Variants in LPP observed in about 807,000 individuals in gnomAD.
LPP encodes the protein LIM domain containing preferred translocation partner in lipoma.
LPP carries 38 observed loss-of-function variants against 60.4 expected under a neutral mutation model. The ratio of observed to expected loss-of-function variants is 0.63; its 90% CI spans 0.49 to 0.83. The LOEUF (loss-of-function observed/expected upper bound fraction) is 0.83. Ranked by LOEUF, LPP falls within the 40% of genes least tolerant of loss-of-function variation. LPP has a pLI of 0.00. For missense variants in LPP, 902 were observed against 783.6 expected (o/e 1.15, Z -1.80); for synonymous variants, 328 against 290.8 (o/e 1.13, Z -1.30).
At chr3:188,302,409 C>T (rs997708399) in intron 2 of LPP, among the ~76,000 whole-genome samples, 1 of 152,168 alleles carries the variant, frequency 6.6e-6, no homozygotes, top group African/African-American at 2.4e-5. Context: ...AACTCAACCT[C>T]TGAAAAGGAT....
At position 188,467,457 on chromosome 3, in the gene LPP, C is replaced by A. The variant is rs917031806; in HGVS notation, c.194-17135C>A. Among the ~76,000 whole-genome samples the A allele has an allele frequency of 3.3e-5, 5 of 152,036 alleles. No homozygotes were observed. In the South Asian group the frequency reaches 1.0e-3, roughly 32 times the overall value. On this transcript the variant is annotated intron_variant, in intron 4 of 11. Transcript: ENST00000617246. The stretch of plus-strand genomic sequence containing the variant: ...CTAGCACTATGTGCAGACTTCCCTT[C>A]TTATGGTATGTTGTGGTGAGCAGAA...
At chr3:188,401,623 C>G (rs768940156) in intron 3 of LPP, among the ~76,000 whole-genome samples, 3 of 152,194 alleles carry the variant, frequency 2.0e-5, no homozygotes, top group Non-Finnish European at 4.4e-5. Context: ...TCATCTATAG[C>G]TCCAGTGCCA....
chr3:188,473,618 T>A (rs1227814877), intron 4 of LPP, among the ~76,000 whole-genome samples: 1 of 152,198 alleles, frequency 6.6e-6, no homozygotes, highest in African/African-American at 2.4e-5. Context: ...CACCACTGGT[T>A]AAAAGTCAGA....
intron 4 of LPP, among the ~76,000 whole-genome samples, chr3:188,425,907 A>G (rs913114829): frequency 6.6e-6 from 1 of 152,044 alleles, no homozygotes; most frequent in African/African-American, 2.4e-5. Context: ...CAGCTCCTGG[A>G]TTCATCGATT....
chr3:188,439,389 T>G (rs1469783289), intron 4 of LPP, among the ~76,000 whole-genome samples: 4 of 152,230 alleles, frequency 2.6e-5, no homozygotes, highest in Non-Finnish European at 5.9e-5. Flanking sequence ...AAAATACAGC[T>G]TTTGTATTTC....
intron 4 of LPP, among the ~76,000 whole-genome samples, chr3:188,462,873 G>A (rs545074267): frequency 2.6e-5 from 4 of 151,816 alleles, no homozygotes; most frequent in Admixed American, 6.6e-5. Context: ...TTGGGAGGCC[G>A]AGGCTGGCAG....
intron 10 of LPP, among the ~76,000 whole-genome samples, chr3:188,870,038 T>C (rs1767697415): frequency 1.3e-5 from 2 of 152,312 alleles, no homozygotes; most frequent in South Asian, 4.1e-4. Flanking sequence ...CTCCCTTTTC[T>C]CAAGTTTAGA....
chr3:188,703,221 A>G (rs1276066518), intron 7 of LPP, among the ~76,000 whole-genome samples: 1 of 152,196 alleles, frequency 6.6e-6, no homozygotes, highest in Non-Finnish European at 1.5e-5. Context: ...AACACAAACT[A>G]TTCCCTTTCA....
chr3:188,458,471 C>T (rs1262226375), intron 4 of LPP, among the ~76,000 whole-genome samples: 1 of 152,108 alleles, frequency 6.6e-6, no homozygotes, highest in Admixed American at 6.5e-5. Context: ...AAAATGTATG[C>T]TTTTCAATTT....
At chr3:188,395,178 A>C (rs918380001) in intron 3 of LPP, among the ~76,000 whole-genome samples, 6 of 152,166 alleles carry the variant, frequency 3.9e-5, no homozygotes, top group Non-Finnish European at 7.4e-5. Flanking sequence ...AAAATTTTAA[A>C]TTTAGCAATA....
At chr3:188,770,412 T>C (rs6784097) in intron 9 of LPP, among the ~76,000 whole-genome samples, 12,561 of 149,684 alleles carry the variant, frequency 0.084, 954 homozygotes, top group African/African-American at 0.21. Flanking sequence ...AGGATGGTCT[T>C]GATCTCCTGA....
intron 4 of LPP, among the ~76,000 whole-genome samples, chr3:188,484,137 A>G (rs956568115): frequency 3.9e-5 from 6 of 152,184 alleles, no homozygotes; most frequent in African/African-American, 1.2e-4. Flanking sequence ...GGAAAATTAT[A>G]TGATCCACTG....
chr3:188,523,303 G>A (rs1819530555), intron 5 of LPP, among the ~76,000 whole-genome samples: 1 of 152,154 alleles, frequency 6.6e-6, no homozygotes, highest in Non-Finnish European at 1.5e-5. Context: ...TTCATAGACA[G>A]TTGATGTTAC....
intron 9 of LPP, among the ~76,000 whole-genome samples, chr3:188,819,180 G>A (rs530710007): frequency 2.0e-4 from 30 of 151,734 alleles, no homozygotes; most frequent in African/African-American, 7.3e-4. Flanking sequence ...TTAGATTTTG[G>A]GGGTACATAT....
rs547736942 is a variant in LPP, at chr3:188,538,558, A to C, written c.429+13771A>C. 1.8e-4 allele frequency among the ~76,000 whole-genome samples: 28 copies of C among 152,344 alleles called. 1 individual carries two copies. The highest frequency in any genetic ancestry group is 6.8e-3 in the Middle Eastern group (2 of 294). On this transcript the variant is annotated intron_variant, in intron 6 of 11. Transcript: ENST00000617246. ...AACATGTGTTGGCAATGTGGTAGAGAAATTGAAAACATCATACGTTGCTGG... is the reference window on the plus strand; with the variant it reads ...AACATGTGTTGGCAATGTGGTAGAGCAATTGAAAACATCATACGTTGCTGG...
At chr3:188,529,249 T>G (rs753634466) in intron 6 of LPP, among the ~76,000 whole-genome samples, 1 of 152,168 alleles carries the variant, frequency 6.6e-6, no homozygotes, top group Non-Finnish European at 1.5e-5. Flanking sequence ...TAGACGGTGT[T>G]GTGTTATAAT....
intron 4 of LPP, among the ~76,000 whole-genome samples, chr3:188,465,782 T>C (rs1179488618): frequency 2.6e-5 from 4 of 152,206 alleles, no homozygotes; most frequent in East Asian, 1.9e-4. Context: ...TGAGTAGCTC[T>C]TGTTTTCCAT....
chr3:188,829,971 A>G (rs894807417), intron 9 of LPP, among the ~76,000 whole-genome samples: 1 of 151,522 alleles, frequency 6.6e-6, no homozygotes, highest in Non-Finnish European at 1.5e-5. Flanking sequence ...CAGGAGTTTC[A>G]GACCAGCGTG....
chr3:188,842,262 ATC>A (rs1760229499), intron 9 of LPP, among the ~76,000 whole-genome samples: 1 of 152,224 alleles, frequency 6.6e-6, no homozygotes, highest in South Asian at 2.1e-4. Context: ...TAATTTGCAT[ATC>A]TCTGATGAGC....
Sources: gnomAD v4.1 joint callset for allele counts (sites outside exome capture counted in the v4.1 genomes callset) on GRCh38, gnomAD v4.1.1 for gene constraint, MANE v1.5 for transcripts, NCBI Gene and HGNC (gene_info 2026-07-23, HGNC 2026-07-21) for gene names.